The following EPN2 variants were observed in gnomAD, a reference collection of about 807,000 sequenced individuals.
EPN2 encodes epsin-2.
A neutral mutation model predicts 61.7 loss-of-function variants in EPN2; 34 were observed. The observed-to-expected ratio is 0.55, with a 90% confidence interval of 0.42 to 0.73. The LOEUF (loss-of-function observed/expected upper bound fraction) is 0.73. Among genes scored for constraint, EPN2 ranks in the 30% least tolerant of loss-of-function variants. The pLI, the probability that EPN2 is intolerant of heterozygous loss-of-function variation, is 0.00. For missense variants in EPN2, 714 were observed against 839.2 expected, an observed-to-expected ratio of 0.85 and a Z score of 1.84; for synonymous variants, 349 against 353.6, an observed-to-expected ratio of 0.99 and a Z score of 0.15.
At chr17:19,315,231 C>A (rs1330159162) in intron 7 of EPN2, among the ~76,000 whole-genome samples, 1 of 152,216 alleles carries the variant, frequency 6.6e-6, no homozygotes, top group Non-Finnish European at 1.5e-5. Context: ...CAGGGCTGTG[C>A]CCTGGACCCA....
At chr17:19,315,329 A>G (rs1598017599) in intron 7 of EPN2, among the ~76,000 whole-genome samples, 1 of 152,098 alleles carries the variant, frequency 6.6e-6, no homozygotes, top group East Asian at 1.9e-4. Context: ...CTGGGGTGAG[A>G]CTCGGTACAG....
At position 19,283,195 on chromosome 17, in the gene EPN2, G is replaced by A; in HGVS notation, c.76G>A (p.Glu26Lys). The change falls in exon 3 of 11, where the codon GAA becomes AAA. Residue 26 changes from glutamate to lysine, a missense_variant. This residue lies in a region of EPN2 where 304 missense variants were observed against 417.4 expected (regional missense o/e 0.73). Coordinates refer to ENST00000314728, the MANE Select transcript of EPN2 (RefSeq NM_014964.5). The surrounding 1 kb of genome is among the most constrained non-coding windows in gnomAD (Gnocchi z 7.0). ...NYSEAEIKVR[E>K]ATSNDPWGPS... Reference sequence around the variant, plus strand: ...CTCAGAGGCAGAAATCAAAGTCCGGGAAGCCACCTCCAATGACCCGTGGGG... The same window carrying A: ...CTCAGAGGCAGAAATCAAAGTCCGGAAAGCCACCTCCAATGACCCGTGGGG... 3 of 1,614,144 alleles carry A rather than the reference G, an allele frequency of 1.9e-6. No homozygotes were observed. Among genetic ancestry groups the A allele is most frequent in the East Asian group, 2.2e-5 (1 of 44,880 alleles).
intron 9 of EPN2, among the ~76,000 whole-genome samples, chr17:19,331,110 C>T (rs1349189302): frequency 6.6e-6 from 1 of 152,200 alleles, no homozygotes; most frequent in Non-Finnish European, 1.5e-5. Context: ...AACATCTTCT[C>T]ATGACTTTAA....
At chr17:19,261,828 A>G (rs1316496641) in intron 1 of EPN2, among the ~76,000 whole-genome samples, 1 of 152,246 alleles carries the variant, frequency 6.6e-6, no homozygotes, top group African/African-American at 2.4e-5. Context: ...GACTTCACTC[A>G]TAGTCACTCA....
In EPN2 at chr17:19,278,888, C is replaced by T. The variant is rs58476534; in HGVS notation, c.-293-3067C>T. Among the ~76,000 whole-genome samples the T allele has an allele frequency of 2.9e-3, 449 of 152,322 alleles. 21 individuals carry two copies. In the East Asian group the frequency reaches 0.076, roughly 26 times the overall value. ...CTGGCCTCAAGTGATCCTCCCACAT[C>T]GGCCTCCCAGAGTGCTGGGATTACA... On this transcript the variant is annotated intron_variant, in intron 1 of 10. Coordinates refer to ENST00000314728, the MANE Select transcript of EPN2 (RefSeq NM_014964.5).
rs1338650536 is a variant in EPN2, at chr17:19,283,692, CT to C, written c.574del (p.Ser192ProfsTer32). 6.3e-7 allele frequency: 1 copy of C among 1,594,402 alleles called. No individual in the cohort carries two copies. The highest frequency in any genetic ancestry group is 8.5e-7 in the Non-Finnish European group (1 of 1,170,026). On this transcript the variant is annotated frameshift_variant, in exon 3 of 11. Coordinates refer to ENST00000314728, the MANE Select transcript of EPN2 (RefSeq NM_014964.5). LOFTEE classifies it high-confidence loss of function. The surrounding 1 kb of genome is among the most constrained non-coding windows in gnomAD (Gnocchi z 7.0). The part of the protein sequence containing the change: ...SEQEYGKAGG[S>X]PASYHGSPEA... ...AGCAGGAGTATGGCAAGGCCGGGGG[CT>C]CCCCGGCCTCCTACCATGGCTGTGA...
chr17:19,249,923 G>A (rs375523013), intron 1 of EPN2, among the ~76,000 whole-genome samples: 4 of 151,474 alleles, frequency 2.6e-5, no homozygotes, highest in South Asian at 2.1e-4. Context: ...TCCTTGGCTC[G>A]TGCTCCTTCC....
At chr17:19,325,424 A>T (rs1368407731) in intron 7 of EPN2, among the ~76,000 whole-genome samples, 1 of 152,248 alleles carries the variant, frequency 6.6e-6, no homozygotes, top group Non-Finnish European at 1.5e-5. Context: ...TGTTTGCAAG[A>T]ACCAACTCAT....
chr17:19,267,730 A>T (rs1597982177), intron 1 of EPN2, among the ~76,000 whole-genome samples: 2 of 152,158 alleles, frequency 1.3e-5, no homozygotes, highest in Admixed American at 1.3e-4. Flanking sequence ...TTTAATAGAG[A>T]TGGGGTTTCA....
At chr17:19,287,770 A>G (rs1035225494) in intron 4 of EPN2, among the ~76,000 whole-genome samples, 5 of 152,174 alleles carry the variant, frequency 3.3e-5, no homozygotes, top group African/African-American at 1.2e-4. Flanking sequence ...CCCTCTTCAC[A>G]TGAGAGCAGC....
chr17:19,273,666 A>G (rs537330730), intron 1 of EPN2, among the ~76,000 whole-genome samples: 55 of 152,316 alleles, frequency 3.6e-4, no homozygotes, highest in African/African-American at 1.3e-3. Context: ...CCCAGCTGAT[A>G]TAAAATTTGA....
chr17:19,250,370 A>G (rs2045002031), intron 1 of EPN2, among the ~76,000 whole-genome samples: 2 of 152,178 alleles, frequency 1.3e-5, no homozygotes, highest in South Asian at 2.1e-4. Context: ...TGCTGGGATT[A>G]CAGGCGTGAA....
intron 1 of EPN2, among the ~76,000 whole-genome samples, chr17:19,269,961 C>A (rs574012873): frequency 6.6e-6 from 1 of 152,224 alleles, no homozygotes; most frequent in Non-Finnish European, 1.5e-5. Flanking sequence ...CTTGTTCTTA[C>A]GATTTTGAGC....
chr17:19,294,023 G>A (rs1485189753), intron 4 of EPN2, among the ~76,000 whole-genome samples: 2 of 151,878 alleles, frequency 1.3e-5, no homozygotes, highest in Admixed American at 6.6e-5. Flanking sequence ...TTGGGAGGCA[G>A]AGGTTGCAGT....
chr17:19,263,463 A>G (rs940859511), intron 1 of EPN2, among the ~76,000 whole-genome samples: 5 of 152,214 alleles, frequency 3.3e-5, no homozygotes, highest in Non-Finnish European at 5.9e-5. Flanking sequence ...CACATCTTCC[A>G]AGGAGCGTCT....
At position 19,309,956 on chromosome 17, in the gene EPN2, C is replaced by G; in HGVS notation, c.838C>G (p.Leu280Val). ...GACTAGTGGAGAAGAGGAGCTTCAG[C>G]TGCAGCTGGCACTTGCCATGAGCAG... ...PQTSGEEELQ[L>V]QLALAMSREV... Residue 280 changes from leucine to valine, a missense_variant, in exon 5 of 11, where the codon CTG (leucine) becomes GTG (valine). Leu to Val is a conservative substitution (Grantham distance 32, BLOSUM62 1). This residue lies in a region of EPN2 where 304 missense variants were observed against 417.4 expected (regional missense o/e 0.73). Coordinates refer to ENST00000314728, the MANE Select transcript of EPN2 (RefSeq NM_014964.5). 6.2e-7 allele frequency: 1 copy of G among 1,608,992 alleles called. No homozygotes were observed. Among genetic ancestry groups the G allele is most frequent in the Non-Finnish European group, 8.5e-7 (1 of 1,180,004 alleles).
intron 7 of EPN2, among the ~76,000 whole-genome samples, chr17:19,315,805 G>A (rs147325221): frequency 5.3e-4 from 80 of 152,284 alleles, no homozygotes; most frequent in African/African-American, 1.8e-3. Flanking sequence ...ATTTTAAAGC[G>A]GACACTTCAC....
At chr17:19,312,468 C>G (rs948527606) in intron 6 of EPN2, among the ~76,000 whole-genome samples, 1 of 152,234 alleles carries the variant, frequency 6.6e-6, no homozygotes, top group Admixed American at 6.5e-5. Flanking sequence ...TTTCCTGCAG[C>G]AGGGTGTGCC....
intron 4 of EPN2, among the ~76,000 whole-genome samples, chr17:19,304,401 A>G (rs1473118235): frequency 6.6e-6 from 1 of 152,338 alleles, no homozygotes; most frequent in East Asian, 1.9e-4. Flanking sequence ...TGGACAGTGG[A>G]CGCTGACCCT....
Sources: allele counts gnomAD v4.1 joint callset (sites outside exome capture counted in the v4.1 genomes callset), GRCh38; gene constraint gnomAD v4.1.1; regional missense constraint gnomAD v4.1.1; non-coding constraint Gnocchi (gnomAD v3.1); transcripts MANE v1.5; gene names NCBI Gene and HGNC (gene_info 2026-07-23, HGNC 2026-07-21).